Variants in PHF20L1 observed in about 807,000 individuals in gnomAD.
The protein encoded by PHF20L1 is PHD finger protein 20-like protein 1.
Under a neutral mutation model 125.5 loss-of-function variants are expected in PHF20L1, and 44 were observed. The observed-to-expected ratio is 0.35, with a 90% CI of 0.28 to 0.45. PHF20L1 has a LOEUF of 0.45. Among genes scored for constraint, PHF20L1 ranks in the 20% least tolerant of loss-of-function variants. The pLI, the probability that PHF20L1 is intolerant of heterozygous loss-of-function variation, is 1.00. For synonymous variants in PHF20L1, 380 were observed against 403.1 expected (o/e 0.94, Z 0.69); for missense variants, 1,012 against 1,217.2 (o/e 0.83, Z 2.51).
intron 9 of PHF20L1, chr8:132,813,010 G>A: frequency 1.1e-6 from 1 of 940,308 alleles, no homozygotes; most frequent in Non-Finnish European, 1.3e-6. Flanking sequence ...TGCATTAGAT[G>A]CATAATAACT....
chr8:132,832,529 G>A lies in PHF20L1; in HGVS notation c.1909+130G>A. The stretch of plus-strand genomic sequence containing the variant: ...GCTAAACTAATATGAAAGTCTTGAT[G>A]TGAGAAATTTGAGCTACTTTTTAAT... On this transcript the variant is annotated intron_variant, in intron 15 of 20. Transcript: ENST00000395386. The A allele has an allele frequency of 5.0e-6, 3 of 603,160 alleles. No individual in the cohort carries two copies. In the East Asian group the frequency reaches 8.4e-5, roughly 17 times the overall value. The allele number at this position is 603,160 out of a possible 1,614,324, so 37.4% of individuals were successfully genotyped here. A position where few individuals can be genotyped will look rare whatever the true frequency, so the allele number is the denominator to read the frequency against.
intron 19 of PHF20L1, 135 bp from the exon 20 acceptor site, chr8:132,844,021 C>G: frequency 6.9e-7 from 1 of 1,444,874 alleles, no homozygotes; most frequent in East Asian, 2.5e-5. Context: ...AGCAGTACTT[C>G]TTTAAAGATA....
intron 15 of PHF20L1, among the ~76,000 whole-genome samples, chr8:132,836,187 CAG>C: frequency 6.6e-6 from 1 of 152,184 alleles, no homozygotes; most frequent in Admixed American, 6.5e-5. Context: ...GGGGACAACA[CAG>C]GGTTTTTATG....
intron 14 of PHF20L1, among the ~76,000 whole-genome samples, chr8:132,829,395 A>G (rs1166884845): frequency 6.6e-6 from 1 of 152,068 alleles, no homozygotes; most frequent in Non-Finnish European, 1.5e-5. Context: ...GGTAATTGAT[A>G]GTTTTATTGC....
chr8:132,843,943 G>A lies in PHF20L1; in HGVS notation c.2749-213G>A, dbSNP rs566133284. 12 of 985,052 alleles carry A rather than the reference G, an allele frequency of 1.2e-5. No homozygotes were observed. In the East Asian group the frequency reaches 6.8e-4, roughly 56 times the overall value. 61.0% of individuals were successfully genotyped at this position (985,052 alleles called of 1,614,324 possible). A position where few individuals can be genotyped will look rare whatever the true frequency, so the allele number is the denominator to read the frequency against. ...CCTTCTTGCCTGTGTAGCACCATGC[G>A]AGGCATAGTGGAGGGAGGTGGTGGG... On this transcript the variant is annotated intron_variant, in intron 19 of 20. Coordinates refer to ENST00000395386, the MANE Select transcript of PHF20L1 (RefSeq NM_016018.5).
At chr8:132,802,865 G>A (rs1291618076) in intron 6 of PHF20L1, among the ~76,000 whole-genome samples, 1 of 151,698 alleles carries the variant, frequency 6.6e-6, no homozygotes, top group East Asian at 1.9e-4. Flanking sequence ...TTAGTTGCTT[G>A]GACTAGGGAT....
At chr8:132,775,990 C>T (rs1757263267) in intron 1 of PHF20L1, among the ~76,000 whole-genome samples, 1 of 152,200 alleles carries the variant, frequency 6.6e-6, no homozygotes, top group Admixed American at 6.5e-5. Context: ...TTGTCGGTCT[C>T]TATGTCTTCT....
intron 15 of PHF20L1, among the ~76,000 whole-genome samples, chr8:132,835,800 C>G (rs940157949): frequency 1.3e-5 from 2 of 152,020 alleles, no homozygotes; most frequent in Non-Finnish European, 2.9e-5. Flanking sequence ...TCCATGGCTG[C>G]GTTTCTCAAG....
At chr8:132,825,870 G>T (rs548574364) in intron 14 of PHF20L1, among the ~76,000 whole-genome samples, 1 of 152,170 alleles carries the variant, frequency 6.6e-6, no homozygotes, top group South Asian at 2.1e-4. Context: ...GGAAGGATTT[G>T]GCCCTGGGGG....
At chr8:132,834,069 A>G (rs1272301104) in intron 15 of PHF20L1, among the ~76,000 whole-genome samples, 3 of 152,062 alleles carry the variant, frequency 2.0e-5, no homozygotes, top group Admixed American at 2.0e-4. Context: ...TCTTGTGGCC[A>G]CTCAGTTGGA....
rs775424121 is a variant in PHF20L1, at chr8:132,814,749, G to A, written c.1043G>A (p.Arg348His). Reference protein sequence around the residue: ...LSSTLSSGKARSKKCKHESGD... With the variant: ...LSSTLSSGKAHSKKCKHESGD... ...TCAACTTTGTCTTCAGGGAAGGCTC[G>A]CAGCAAGAAATGCAAACATGAATCT... The change falls in exon 10 of 21, where the codon CGC becomes CAC. Residue 348 changes from arginine (R) to histidine (H), a missense_variant. Coordinates refer to ENST00000395386, the MANE Select transcript of PHF20L1 (RefSeq NM_016018.5). The A allele has an allele frequency of 1.4e-5, 22 of 1,612,798 alleles. No homozygotes were observed. Among genetic ancestry groups the A allele is most frequent in the East Asian group, 2.2e-5 (1 of 44,846 alleles).
Position 132,817,457 on chromosome 8 carries a change from T to G in PHF20L1, c.1491T>G (p.Cys497Trp). Reference sequence around the variant, plus strand: ...CAGATTCCTCTTACCGTAATGAATGTCCCAGGGCAGAAAAAGAGGATACAC... The same window carrying G: ...CAGATTCCTCTTACCGTAATGAATGGCCCAGGGCAGAAAAAGAGGATACAC... ...VASDSSYRNE[C>W]PRAEKEDTQM... Residue 497 changes from cysteine (C) to tryptophan (W), a missense_variant, in exon 12 of 21, where the codon TGT becomes TGG. This residue lies in a region of PHF20L1 where 320 missense variants were observed against 293.8 expected (regional missense o/e 1.09). Transcript: ENST00000395386. 6.2e-7 allele frequency: 1 copy of G among 1,612,520 alleles called. No homozygotes were observed. The highest frequency in any genetic ancestry group is 1.7e-4 in the Middle Eastern group (1 of 6,058).
At chr8:132,819,860 G>A in intron 12 of PHF20L1, among the ~76,000 whole-genome samples, 1 of 151,768 alleles carries the variant, frequency 6.6e-6, no homozygotes, top group Non-Finnish European at 1.5e-5. Flanking sequence ...TGAAACTCTT[G>A]GGGAGTTTAG....
At chr8:132,804,231 T>C (rs1269192893) in intron 7 of PHF20L1, among the ~76,000 whole-genome samples, 199 bp downstream of exon 7, 6 of 151,912 alleles carry the variant, frequency 3.9e-5, no homozygotes, top group Non-Finnish European at 2.9e-5. Context: ...TTACTTGATA[T>C]TGGATGCCCT....
At chr8:132,801,661 C>T (rs1445431462) in intron 6 of PHF20L1, among the ~76,000 whole-genome samples, 1 of 151,258 alleles carries the variant, frequency 6.6e-6, no homozygotes, top group Non-Finnish European at 1.5e-5. Flanking sequence ...TGATGGACAC[C>T]CTAAATACAC....
chr8:132,800,186 G>T (rs1177548067), intron 6 of PHF20L1, among the ~76,000 whole-genome samples: 1 of 151,394 alleles, frequency 6.6e-6, no homozygotes, highest in Non-Finnish European at 1.5e-5. Flanking sequence ...TAAAATTACA[G>T]CTTGTAAAAA....
At chr8:132,835,453 A>G (rs557771858) in intron 15 of PHF20L1, among the ~76,000 whole-genome samples, 33 of 152,150 alleles carry the variant, frequency 2.2e-4, no homozygotes, top group African/African-American at 7.7e-4. Flanking sequence ...TTCCATCATC[A>G]TTTACTTTCC....
At chr8:132,813,928 G>A (rs1285818311) in intron 9 of PHF20L1, among the ~76,000 whole-genome samples, 2 of 151,374 alleles carry the variant, frequency 1.3e-5, no homozygotes, top group East Asian at 1.9e-4. Flanking sequence ...CTAAGAATGC[G>A]ACGTATTTTG....
intron 4 of PHF20L1, among the ~76,000 whole-genome samples, chr8:132,795,812 G>GT (rs1449701042): frequency 6.6e-6 from 1 of 152,042 alleles, no homozygotes; most frequent in African/African-American, 2.4e-5. Flanking sequence ...ATTAGGCACA[G>GT]TAAGAAGTTA....
Sources: gnomAD v4.1 joint callset for allele counts (sites outside exome capture counted in the v4.1 genomes callset) on GRCh38, gnomAD v4.1.1 for gene constraint, gnomAD v4.1.1 regional missense constraint, MANE v1.5 for transcripts, NCBI Gene and HGNC (gene_info 2026-07-23, HGNC 2026-07-21) for gene names.